PCNX2: variants seen among roughly 807,000 people sequenced by gnomAD.
PCNX2 encodes the protein pecanex-like protein 2.
In PCNX2, 168 loss-of-function variants were observed where a neutral mutation model predicts 223.8. That is an observed-to-expected ratio of 0.75 (90% CI 0.66 to 0.85). The LOEUF is 0.85. Among genes scored for constraint, PCNX2 ranks in the 40% least tolerant of loss-of-function variants. PCNX2 has a pLI of 0.00. For missense variants in PCNX2, 2,507 were observed against 2,675.5 expected (o/e 0.94, Z 1.39); for synonymous variants, 1,006 against 1,052.6 (o/e 0.96, Z 0.86).
chr1:233,042,222 G>A (rs1558183166), intron 25 of PCNX2, among the ~76,000 whole-genome samples: 1 of 152,098 alleles, frequency 6.6e-6, no homozygotes, highest in Non-Finnish European at 1.5e-5. Flanking sequence ...CTGCATCTGT[G>A]CCATATTTTC....
intron 26 of PCNX2, among the ~76,000 whole-genome samples, chr1:233,021,154 C>T (rs1275936803): frequency 1.3e-5 from 2 of 152,140 alleles, no homozygotes; most frequent in Non-Finnish European, 2.9e-5. Flanking sequence ...CAAGCCACCC[C>T]TTGCTGAAGG....
At chr1:233,135,274 T>TTGA in intron 20 of PCNX2, 84 bp from the exon 21 acceptor site, 1 of 1,385,108 alleles carries the variant, frequency 7.2e-7, no homozygotes, top group South Asian at 1.4e-5. Flanking sequence ...TTCTCCAGGA[T>TTGA]TGATGGTTCA....
chr1:233,163,237 G>A (rs1474804794), intron 17 of PCNX2, among the ~76,000 whole-genome samples: 1 of 152,062 alleles, frequency 6.6e-6, no homozygotes, highest in Non-Finnish European at 1.5e-5. Flanking sequence ...TGTAATCCCA[G>A]CACTTTAGGA....
At chr1:233,030,278 A>G (rs1671219595) in intron 25 of PCNX2, among the ~76,000 whole-genome samples, 1 of 152,008 alleles carries the variant, frequency 6.6e-6, no homozygotes, top group Non-Finnish European at 1.5e-5. Context: ...TTTTTGGTGT[A>G]CTTTTCCTCT....
intron 24 of PCNX2, among the ~76,000 whole-genome samples, chr1:233,055,649 T>G (rs1672165848): frequency 6.6e-6 from 1 of 152,156 alleles, no homozygotes; most frequent in South Asian, 2.1e-4. Context: ...TGACTTTTAT[T>G]CTAGGAGTAG....
Position 233,025,104 on chromosome 1 carries a change from C to T in PCNX2, c.4605+42G>A, listed in dbSNP as rs369530200. The T allele has an allele frequency of 3.7e-6, 6 of 1,607,264 alleles. No individual in the cohort carries two copies. In the East Asian group the frequency reaches 6.7e-5, roughly 18 times the overall value. ...GCTCTTTCGGAGCTTCCTGTGCCAT[C>T]CTAGCATTTCTGCCTTAGGTGTTTG... On this transcript the variant is annotated intron_variant, in intron 26 of 33. Coordinates refer to ENST00000258229, the MANE Select transcript of PCNX2 (RefSeq NM_014801.4).
At chr1:233,313,429 T>C in the PCNX2 span, among the ~76,000 whole-genome samples, 7 of 152,116 alleles carry the variant, frequency 4.6e-5, no homozygotes, top group African/African-American at 1.7e-4. Context: ...GGAAGTGGTA[T>C]GGAATAGAAG....
chr1:233,168,770 T>C (rs1277030462), intron 17 of PCNX2, among the ~76,000 whole-genome samples: 1 of 152,128 alleles, frequency 6.6e-6, no homozygotes, highest in Non-Finnish European at 1.5e-5. Context: ...TCACAATCCT[T>C]GATAAATTAT....
intron 13 of PCNX2, among the ~76,000 whole-genome samples, chr1:233,204,785 G>A (rs1163954862): frequency 1.3e-5 from 2 of 152,154 alleles, no homozygotes; most frequent in African/African-American, 2.4e-5. Flanking sequence ...TACCCCAGAA[G>A]TTATTTAATC....
At chr1:232,984,589 T>C in intron 33 of PCNX2, 112 bp from the exon 34 acceptor site, 2 of 1,227,872 alleles carry the variant, frequency 1.6e-6, no homozygotes, top group Non-Finnish European at 2.3e-6. Context: ...CGCTGCCATA[T>C]CCTTGAGGTC....
At chr1:233,259,979 G>A (rs1330333076) in intron 4 of PCNX2, 2 of 326,584 alleles carry the variant, frequency 6.1e-6, no homozygotes, top group Non-Finnish European at 8.8e-6. Flanking sequence ...GTATACAGGA[G>A]GATGTGTGTA....
At chr1:233,142,462 A>G (rs1169537445) in intron 19 of PCNX2, among the ~76,000 whole-genome samples, 2 of 152,120 alleles carry the variant, frequency 1.3e-5, no homozygotes, top group African/African-American at 2.4e-5. Context: ...TGCTCCTGCC[A>G]TCTTGGTTCA....
chr1:233,217,949 AGTGTCT>A lies in PCNX2; in HGVS notation c.2659-24_2659-19del. ...TGAACACTCTAAAACACAAATCAGAAGTGTCTGTGTCATCATCTCATGATTTCAAGG... is the reference window on the plus strand; with the variant it reads ...TGAACACTCTAAAACACAAATCAGAAGTGTCATCATCTCATGATTTCAAGG... On this transcript the variant is annotated intron_variant, in intron 11 of 33. Coordinates refer to ENST00000258229, the MANE Select transcript of PCNX2 (RefSeq NM_014801.4). 6.2e-7 allele frequency: 1 copy of A among 1,613,766 alleles called. No homozygotes were observed.
chr1:233,089,927 A>G (rs1673785328), intron 23 of PCNX2, 134 bp downstream of exon 23: 3 of 1,483,212 alleles, frequency 2.0e-6, no homozygotes, highest in Non-Finnish European at 2.7e-6. Context: ...GAGGTCATCA[A>G]GAGAGACAGG....
intron 19 of PCNX2, among the ~76,000 whole-genome samples, chr1:233,157,855 C>A (rs1678220755): frequency 6.6e-6 from 1 of 152,106 alleles, no homozygotes; most frequent in Non-Finnish European, 1.5e-5. Flanking sequence ...CCTAATTTGT[C>A]TAACCTGTGA....
intron 32 of PCNX2, among the ~76,000 whole-genome samples, chr1:232,995,619 G>T (rs1265346357): frequency 6.6e-6 from 1 of 152,122 alleles, no homozygotes; most frequent in Non-Finnish European, 1.5e-5. Context: ...AATCCAGGCA[G>T]TCCTTTTTGA....
At chr1:233,021,708 C>T (rs1255641832) in intron 26 of PCNX2, among the ~76,000 whole-genome samples, 2 of 152,160 alleles carry the variant, frequency 1.3e-5, no homozygotes, top group Non-Finnish European at 2.9e-5. Context: ...CCCATTTTGC[C>T]TTCACTCTCC....
intron 19 of PCNX2, among the ~76,000 whole-genome samples, chr1:233,141,811 A>C (rs1305077052): frequency 1.3e-5 from 2 of 149,044 alleles, no homozygotes; most frequent in Non-Finnish European, 3.0e-5. Flanking sequence ...ATATGAAGAG[A>C]GACTTGGCAT....
At chr1:233,268,402 G>A (rs2103007065) in intron 1 of PCNX2, among the ~76,000 whole-genome samples, 1 of 152,342 alleles carries the variant, frequency 6.6e-6, no homozygotes, top group East Asian at 1.9e-4. Flanking sequence ...ATCAACCGCT[G>A]CTGAGGGTTT....
Sources: allele counts gnomAD v4.1 joint callset (sites outside exome capture counted in the v4.1 genomes callset), GRCh38; gene constraint gnomAD v4.1.1; transcripts MANE v1.5; gene names NCBI Gene and HGNC (gene_info 2026-07-23, HGNC 2026-07-21).